Variants in PHLPP1 observed in about 807,000 individuals in gnomAD.
The protein encoded by PHLPP1 is PH domain and leucine rich repeat protein phosphatase 1.
Under a neutral mutation model 117.2 loss-of-function variants are expected in PHLPP1, and 42 were observed. That is an observed-to-expected ratio of 0.36 (90% CI 0.28 to 0.46). The LOEUF is 0.46. Ranked by LOEUF, PHLPP1 falls within the 20% of genes least tolerant of loss-of-function variation. The probability of loss-of-function intolerance (pLI) is 1.00; values close to 1 mark genes in which losing one functional copy is unlikely to be tolerated. For missense variants in PHLPP1, 2,084 were observed against 2,241.9 expected (o/e 0.93, Z 1.42); for synonymous variants, 1,042 against 970.7 (o/e 1.07, Z -1.37).
Position 62,715,811 on chromosome 18 carries a change from C to A in PHLPP1, c.128C>A (p.Ala43Glu). ...GCGGCGGCCGCGGCGGCTCTGGCGG[C>A]GGCGGCCGGGGGCGGCCGGAGTCCG... The part of the protein sequence containing the change: ...AAAAAAAALA[A>E]AAGGGRSPEP... Residue 43 changes from alanine to glutamate, a missense_variant, in exon 1 of 17, where the codon GCG becomes GAG. Physicochemically the swap from Ala to Glu is moderately radical, Grantham distance 107 (BLOSUM62 -1). Around this residue, in one of 2 missense-constraint regions of PHLPP1, gnomAD observed 719 missense variants for 636.0 expected, o/e 1.13. Coordinates refer to ENST00000262719, the MANE Select transcript of PHLPP1 (RefSeq NM_194449.4). 3.7e-6 allele frequency: 3 copies of A among 801,470 alleles called. No homozygotes were observed. Among genetic ancestry groups the A allele is most frequent in the Middle Eastern group, 5.9e-4 (1 of 1,702 alleles). 49.6% of individuals were successfully genotyped at this position (801,470 alleles called of 1,614,324 possible). A position where few individuals can be genotyped will look rare whatever the true frequency, so the allele number is the denominator to read the frequency against.
intron 1 of PHLPP1, among the ~76,000 whole-genome samples, chr18:62,746,775 G>A (rs1911687328): frequency 6.8e-6 from 1 of 146,786 alleles, no homozygotes; most frequent in Non-Finnish European, 1.5e-5. Context: ...TTGTATGTGG[G>A]TTTTTTTTTT....
chr18:62,872,292 A>C (rs966583557), intron 4 of PHLPP1, among the ~76,000 whole-genome samples: 7 of 152,238 alleles, frequency 4.6e-5, no homozygotes, highest in Admixed American at 1.3e-4. Context: ...ATGTTTGTAC[A>C]GAATTGTCTT....
chr18:62,808,500 T>G (rs1192768048), intron 1 of PHLPP1, among the ~76,000 whole-genome samples: 1 of 152,106 alleles, frequency 6.6e-6, no homozygotes. Flanking sequence ...TCTCTTATGC[T>G]AAGTACTTGT....
intron 4 of PHLPP1, among the ~76,000 whole-genome samples, chr18:62,892,082 C>CTTTTTTTTTTTTT (rs200141250): frequency 1.1e-4 from 12 of 107,966 alleles, no homozygotes; most frequent in African/African-American, 2.0e-4. Context: ...TTCTTTCTTT[C>CTTTTTTTTTTTTT]TTTTTTTTTT....
chr18:62,883,857 C>G (rs566271174), intron 4 of PHLPP1, among the ~76,000 whole-genome samples: 1 of 152,162 alleles, frequency 6.6e-6, no homozygotes, highest in Non-Finnish European at 1.5e-5. Context: ...ATATTCACAT[C>G]AGTTCAGATC....
At chr18:62,915,190 G>A (rs1909231231) in intron 9 of PHLPP1, among the ~76,000 whole-genome samples, 182 bp downstream of exon 9, 1 of 152,224 alleles carries the variant, frequency 6.6e-6, no homozygotes, top group South Asian at 2.1e-4. Flanking sequence ...GCAGTGAGGA[G>A]TAGAGTGAGG....
intron 4 of PHLPP1, among the ~76,000 whole-genome samples, chr18:62,885,710 T>C (rs1252257004): frequency 6.6e-6 from 1 of 152,152 alleles, no homozygotes; most frequent in Admixed American, 6.6e-5. Flanking sequence ...CTAATAAAGG[T>C]AGGGAAGTTG....
chr18:62,794,743 G>A (rs985454102), intron 1 of PHLPP1, among the ~76,000 whole-genome samples: 9 of 152,118 alleles, frequency 5.9e-5, no homozygotes, highest in African/African-American at 2.2e-4. Context: ...AAATGACTCA[G>A]TTTGTATTTG....
In PHLPP1 at chr18:62,979,323, G is replaced by A. The variant is rs769298208; in HGVS notation, c.5046G>A (p.Gln1682=). 49 of 1,552,994 alleles carry A rather than the reference G, an allele frequency of 3.2e-5. 2 individuals carry two copies. The South Asian group carries it at 5.8e-4, about 18-fold the overall frequency. The change falls in exon 17 of 17, where the codon CAG becomes CAA. Residue 1682 remains glutamine (Q), a synonymous_variant. Transcript: ENST00000262719. ...EEVKEIMKHH[Q]EQQQQQQPPP... ...TCAAAGAAATCATGAAGCATCACCA[G>A]GAGCAACAGCAGCAGCAGCAGCCGC...
chr18:62,965,656 A>G (rs1207327912), intron 14 of PHLPP1, among the ~76,000 whole-genome samples: 3 of 151,128 alleles, frequency 2.0e-5, no homozygotes, highest in Non-Finnish European at 4.4e-5. Context: ...ACAGGGTTTC[A>G]CCATGTTGGC....
intron 16 of PHLPP1, among the ~76,000 whole-genome samples, chr18:62,977,509 A>G (rs916732065): frequency 6.6e-6 from 1 of 151,556 alleles, no homozygotes; most frequent in African/African-American, 2.4e-5. Context: ...TTTAAATAGC[A>G]TGCACACAGC....
intron 4 of PHLPP1, among the ~76,000 whole-genome samples, chr18:62,874,677 AC>A (rs1916000080): frequency 6.6e-6 from 1 of 151,262 alleles, no homozygotes; most frequent in Non-Finnish European, 1.5e-5. Context: ...ACACACACAC[AC>A]ACACACACAC....
chr18:62,956,627 A>G (rs1910617669), intron 12 of PHLPP1, among the ~76,000 whole-genome samples: 2 of 150,940 alleles, frequency 1.3e-5, no homozygotes, highest in East Asian at 3.9e-4. Flanking sequence ...GACTATAAGG[A>G]AAAAAAAACA....
chr18:62,960,253 TAAATG>T (rs1910729225), intron 13 of PHLPP1, among the ~76,000 whole-genome samples: 2 of 152,286 alleles, frequency 1.3e-5, no homozygotes, highest in African/African-American at 4.8e-5. Context: ...TCTGTAAAAT[TAAATG>T]ATTTTTAAAA....
intron 1 of PHLPP1, among the ~76,000 whole-genome samples, chr18:62,820,475 C>A (rs1296737371): frequency 2.6e-5 from 4 of 152,172 alleles, no homozygotes; most frequent in African/African-American, 9.7e-5. Flanking sequence ...CCCCATAATA[C>A]CCACATGTCA....
At chr18:62,737,665 T>A (rs1418869063) in intron 1 of PHLPP1, among the ~76,000 whole-genome samples, 1 of 152,086 alleles carries the variant, frequency 6.6e-6, no homozygotes, top group Non-Finnish European at 1.5e-5. Context: ...TACAAGGTAT[T>A]TGTCATTCCA....
At chr18:62,783,117 T>G (rs1384417700) in intron 1 of PHLPP1, among the ~76,000 whole-genome samples, 1 of 148,840 alleles carries the variant, frequency 6.7e-6, no homozygotes, top group Non-Finnish European at 1.5e-5. Context: ...ATGCTAAAAC[T>G]TAGTGAGTTA....
chr18:62,953,592 C>T (rs957431830), intron 12 of PHLPP1, among the ~76,000 whole-genome samples: 5 of 152,192 alleles, frequency 3.3e-5, no homozygotes, highest in African/African-American at 1.2e-4. Flanking sequence ...CTTGGGAGTT[C>T]CTCAAGGGCA....
intron 1 of PHLPP1, among the ~76,000 whole-genome samples, chr18:62,721,121 G>A (rs1910902318): frequency 6.6e-6 from 1 of 152,092 alleles, no homozygotes; most frequent in Admixed American, 6.6e-5. Flanking sequence ...GTAATGAGGT[G>A]GTATTATCCT....
Sources: allele counts gnomAD v4.1 joint callset (sites outside exome capture counted in the v4.1 genomes callset), GRCh38; gene constraint gnomAD v4.1.1; regional missense constraint gnomAD v4.1.1; transcripts MANE v1.5; gene names NCBI Gene and HGNC (gene_info 2026-07-23, HGNC 2026-07-21).